The following RERE variants were observed in gnomAD, a reference collection of about 807,000 sequenced individuals.
RERE encodes arginine-glutamic acid dipeptide repeats, also known as arginine-glutamic acid dipeptide repeats protein.
A neutral mutation model predicts 146.1 loss-of-function variants in RERE; 40 were observed. That is an observed-to-expected ratio of 0.27 (90% confidence interval 0.21 to 0.36). The LOEUF is 0.36. Among genes scored for constraint, RERE ranks in the 10% least tolerant of loss-of-function variants. The pLI is 1.00. For synonymous variants in RERE, 1,003 were observed against 866.0 expected, an observed-to-expected ratio of 1.16 and a Z score of -2.78; for missense variants, 1,933 against 2,138.7, an observed-to-expected ratio of 0.90 and a Z score of 1.90.
At chr1:8,432,116 G>A (rs903901023) in intron 11 of RERE, among the ~76,000 whole-genome samples, 1 of 152,136 alleles carries the variant, frequency 6.6e-6, no homozygotes, top group Non-Finnish European at 1.5e-5. Flanking sequence ...GTATATTAAT[G>A]TGTTCTCTTA....
At chr1:8,395,257 C>A (rs1219620447) in intron 12 of RERE, among the ~76,000 whole-genome samples, 4 of 152,064 alleles carry the variant, frequency 2.6e-5, no homozygotes, top group Admixed American at 6.6e-5. Context: ...GGGTGGATCA[C>A]AAGGTCAGGA....
At chr1:8,462,256 T>C (rs541207566) in intron 11 of RERE, among the ~76,000 whole-genome samples, 1 of 152,346 alleles carries the variant, frequency 6.6e-6, no homozygotes, top group African/African-American at 2.4e-5. Context: ...GCCTCTCATA[T>C]GGAGAGAAAC....
chr1:8,372,905 G>A (rs1473329305), intron 12 of RERE, among the ~76,000 whole-genome samples: 2 of 152,352 alleles, frequency 1.3e-5, no homozygotes, highest in East Asian at 3.9e-4. Context: ...TCTGGGCCAT[G>A]CATCGCCCAC....
chr1:8,499,121 GAA>G (rs1645093405), intron 8 of RERE, among the ~76,000 whole-genome samples: 1 of 152,012 alleles, frequency 6.6e-6, no homozygotes, highest in Admixed American at 6.6e-5. Flanking sequence ...AGAGACCTGT[GAA>G]AAGTCAGATA....
At chr1:8,548,765 C>A (rs6577498) in intron 6 of RERE, among the ~76,000 whole-genome samples, 129,588 of 152,184 alleles carry the variant, frequency 0.85, 55,580 homozygotes, top group East Asian at 0.95. Flanking sequence ...CGGGTGGATC[C>A]GGAGGTCAGG....
At chr1:8,572,662 G>A (rs544170362) in intron 4 of RERE, among the ~76,000 whole-genome samples, 4 of 152,152 alleles carry the variant, frequency 2.6e-5, no homozygotes, top group Non-Finnish European at 5.9e-5. Flanking sequence ...TCTGGAGATG[G>A]TTGCTGAGTA....
chr1:8,453,100 T>G (rs1030782690), intron 11 of RERE, among the ~76,000 whole-genome samples: 1 of 152,188 alleles, frequency 6.6e-6, no homozygotes. Context: ...GAAGGGAATG[T>G]GAGCTGATTA....
At chr1:8,787,157 T>C (rs1413579059) in intron 1 of RERE, among the ~76,000 whole-genome samples, 2 of 152,206 alleles carry the variant, frequency 1.3e-5, no homozygotes. Flanking sequence ...CCCAGAGTTT[T>C]TCCACTGTTC....
chr1:8,616,980 C>T (rs1163118362), intron 3 of RERE, among the ~76,000 whole-genome samples: 1 of 152,190 alleles, frequency 6.6e-6, no homozygotes, highest in Non-Finnish European at 1.5e-5. Context: ...CACCATTACT[C>T]CATAATTGTG....
At chr1:8,583,606 TC>T (rs1454340587) in intron 4 of RERE, among the ~76,000 whole-genome samples, 2 of 151,812 alleles carry the variant, frequency 1.3e-5, no homozygotes, top group Non-Finnish European at 2.9e-5. Flanking sequence ...CCACCATAGC[TC>T]CCTGCCGGCA....
chr1:8,555,887 T>C (rs192913069), intron 6 of RERE, among the ~76,000 whole-genome samples: 30 of 152,004 alleles, frequency 2.0e-4, no homozygotes, highest in South Asian at 1.2e-3. Flanking sequence ...TCTACCCATC[T>C]CCTCCCCCTG....
At chr1:8,574,607 G>A (rs902403722) in intron 4 of RERE, among the ~76,000 whole-genome samples, 7 of 152,056 alleles carry the variant, frequency 4.6e-5, no homozygotes, top group African/African-American at 4.8e-5. Context: ...ATATTATATA[G>A]AAATGAAAAT....
Position 8,360,563 on chromosome 1 carries a change from A to T in RERE, c.2944T>A (p.Ser982Thr). Residue 982 changes from serine (S) to threonine (T), a missense_variant, in exon 18 of 23, where the codon TCG (serine) becomes ACG (threonine). Physicochemically the swap from Ser to Thr is moderately conservative, Grantham distance 58. Coordinates refer to ENST00000400908, the MANE Select transcript of RERE (RefSeq NM_001042681.2). ...LSSLSTHHPP[S>T]AHPPPLQLMP... ...AGTTGCAGGGGTGGGGGGTGAGCCGACGGGGGGTGATGTGTGGACAGGGAG... is the reference window on the plus strand; with the variant it reads ...AGTTGCAGGGGTGGGGGGTGAGCCGTCGGGGGGTGATGTGTGGACAGGGAG... 1 of 561,668 alleles carries T rather than the reference A, an allele frequency of 1.8e-6. No homozygotes were observed. The highest frequency in any genetic ancestry group is 2.4e-6 in the Non-Finnish European group (1 of 420,460). The allele number at this position is 561,668 out of a possible 1,614,324, so 34.8% of individuals were successfully genotyped here.
chr1:8,403,616 T>A (rs1034835646), intron 12 of RERE, among the ~76,000 whole-genome samples: 1 of 151,808 alleles, frequency 6.6e-6, no homozygotes, highest in Non-Finnish European at 1.5e-5. Flanking sequence ...TCCTCTGGCC[T>A]TGGCCTCCCA....
chr1:8,731,450 G>A (rs891442445), intron 1 of RERE, among the ~76,000 whole-genome samples: 1 of 152,082 alleles, frequency 6.6e-6, no homozygotes, highest in African/African-American at 2.4e-5. Context: ...TCACAGAAGG[G>A]GTGAGGGGAG....
In RERE at chr1:8,355,079, T is replaced by C. The variant is rs776267299; in HGVS notation, c.*8A>G. 11 of 1,613,246 alleles carry C rather than the reference T, an allele frequency of 6.8e-6. No individual in the cohort carries two copies. Among genetic ancestry groups the C allele is most frequent in the Non-Finnish European group, 9.3e-6 (11 of 1,179,422 alleles). On this transcript the variant is annotated 3_prime_UTR_variant, in exon 23 of 23. Transcript: ENST00000400908. Reference sequence around the variant, plus strand: ...GGTTTCCACAGCCAGCGTTAACAAATAAATAACTTATAACTGCTTGTCACC... The same window carrying C: ...GGTTTCCACAGCCAGCGTTAACAAACAAATAACTTATAACTGCTTGTCACC...
At chr1:8,495,314 T>C in intron 9 of RERE, 152 bp from the exon 10 acceptor site, 1 of 342,182 alleles carries the variant, frequency 2.9e-6, no homozygotes, top group Non-Finnish European at 5.4e-6. Flanking sequence ...CTGCTCCTAT[T>C]TTTTTTTTTT....
In RERE at chr1:8,629,962, C is replaced by T. The variant is rs1018197686; in HGVS notation, c.326-5582G>A. On this transcript the variant is annotated intron_variant, in intron 2 of 22. Transcript: ENST00000400908. ...TCAGAGACCAAGCTGGGTGGCACAG[C>T]GGTGAAATGGGAAGTTGACTCTCAG... is the stretch of plus-strand genomic sequence containing the variant. Among the ~76,000 whole-genome samples the T allele has an allele frequency of 2.6e-5, 4 of 152,124 alleles. No individual in the cohort carries two copies. The East Asian group carries it at 7.7e-4, about 29-fold the overall frequency.
chr1:8,594,246 G>T (rs11121204), intron 4 of RERE, among the ~76,000 whole-genome samples: 1 of 151,950 alleles, frequency 6.6e-6, no homozygotes, highest in African/African-American at 2.4e-5. Context: ...GTATAGACCC[G>T]CAAACAAAAG....
Sources: allele counts gnomAD v4.1 joint callset (sites outside exome capture counted in the v4.1 genomes callset), GRCh38; gene constraint gnomAD v4.1.1; transcripts MANE v1.5; gene names NCBI Gene and HGNC (gene_info 2026-07-23, HGNC 2026-07-21).